The following CYSLTR1 variants were observed in gnomAD, a reference collection of about 807,000 sequenced individuals.
CYSLTR1 encodes G-protein coupled receptor HG55.
In CYSLTR1, 1 loss-of-function variant was observed where a neutral mutation model predicts 2.1. The ratio of observed to expected loss-of-function variants is 0.48; its 90% CI spans 0.17 to 2.28. The LOEUF (loss-of-function observed/expected upper bound fraction) is 2.28, where lower values mean the gene tolerates loss of function less well. Ranked by LOEUF, CYSLTR1 falls within the 30% of genes most tolerant of loss-of-function variation. The pLI, the probability that CYSLTR1 is intolerant of heterozygous loss-of-function variation, is 0.26. For missense variants in CYSLTR1, 299 were observed against 250.1 expected (o/e 1.20, Z -1.32); for synonymous variants, 110 against 89.6 (o/e 1.23, Z -1.28).
chrX:78,302,314 C>T lies in CYSLTR1; in HGVS notation c.-114-18774G>A, dbSNP rs577771409. ...TGGACTCACCCTGCATGGCAGTGGG[C>T]TCCCCTCTGGCCCAGGGAAGGTCCA... is the stretch of plus-strand genomic sequence containing the variant. On this transcript the variant is annotated intron_variant, in intron 1 of 2. Transcript: ENST00000373304. Among the ~76,000 whole-genome samples the T allele has an allele frequency of 2.7e-5, 3 of 112,228 alleles. No homozygotes were observed. The South Asian group carries it at 1.1e-3, about 41-fold the overall frequency.
intron 2 of CYSLTR1, among the ~76,000 whole-genome samples, chrX:78,277,429 C>A (rs6623254): frequency 0.015 from 1,672 of 111,867 alleles, 41 homozygotes; most frequent in African/African-American, 0.052. Context: ...CAGTTGCCTG[C>A]AGCCTCTCCC....
intron 1 of CYSLTR1, among the ~76,000 whole-genome samples, chrX:78,294,072 T>C (rs904665117): frequency 2.7e-5 from 3 of 112,391 alleles, no homozygotes; most frequent in African/African-American, 9.7e-5. Flanking sequence ...CTCTGATTTT[T>C]AGAATTTTCA....
intron 1 of CYSLTR1, among the ~76,000 whole-genome samples, chrX:78,325,323 TAGCTAGCC>T (rs1374599431): frequency 9.0e-6 from 1 of 111,560 alleles, no homozygotes; most frequent in African/African-American, 3.3e-5. Context: ...GAGTAGAAAG[TAGCTAGCC>T]CTACTGTCTC....
intron 2 of CYSLTR1, among the ~76,000 whole-genome samples, chrX:78,274,570 A>C (rs955028446): frequency 2.7e-5 from 3 of 111,803 alleles, no homozygotes; most frequent in African/African-American, 9.8e-5. Flanking sequence ...CCTTATATAA[A>C]AAGTAATTCA....
intron 1 of CYSLTR1, among the ~76,000 whole-genome samples, chrX:78,290,884 C>A (rs762552646): frequency 2.7e-5 from 3 of 111,917 alleles, no homozygotes; most frequent in African/African-American, 9.7e-5. Flanking sequence ...CCTAAATATA[C>A]AATCATGTCA....
chrX:78,306,405 C>T (rs1379846910), intron 1 of CYSLTR1, among the ~76,000 whole-genome samples: 1 of 111,244 alleles, frequency 9.0e-6, no homozygotes, highest in Non-Finnish European at 1.9e-5. Flanking sequence ...CTCAGGTGAT[C>T]TGCCTGCCTC....
intron 1 of CYSLTR1, among the ~76,000 whole-genome samples, chrX:78,308,354 TA>T (rs1923102857): frequency 8.9e-6 from 1 of 112,048 alleles, no homozygotes; most frequent in African/African-American, 3.2e-5. Context: ...TTGTCATAAA[TA>T]AAAAGAAATG....
intron 1 of CYSLTR1, among the ~76,000 whole-genome samples, chrX:78,304,450 G>A (rs1302949964): frequency 9.0e-6 from 1 of 111,512 alleles, no homozygotes; most frequent in Non-Finnish European, 1.9e-5. Context: ...TACTGACTGA[G>A]TGGTTAAGTT....
At chrX:78,306,354 G>C (rs766386287) in intron 1 of CYSLTR1, among the ~76,000 whole-genome samples, 2 of 110,454 alleles carry the variant, frequency 1.8e-5, no homozygotes, top group Non-Finnish European at 3.8e-5. Context: ...AGTAGAGACC[G>C]TGTTTCACCA....
At chrX:78,326,463 A>G (rs1014425471) in intron 1 of CYSLTR1, among the ~76,000 whole-genome samples, 2 of 112,238 alleles carry the variant, frequency 1.8e-5, no homozygotes, top group African/African-American at 6.5e-5. Flanking sequence ...TAGGTTTCAA[A>G]ATAATCAGAA....
chrX:78,324,022 T>C (rs1004157125), intron 1 of CYSLTR1, among the ~76,000 whole-genome samples: 10 of 111,691 alleles, frequency 9.0e-5, no homozygotes, highest in African/African-American at 3.3e-4. Context: ...TTTTCTTCCA[T>C]ATGAACCCAC....
chrX:78,276,709 G>T (rs1162499719), intron 2 of CYSLTR1, among the ~76,000 whole-genome samples: 2 of 110,690 alleles, frequency 1.8e-5, no homozygotes, highest in Non-Finnish European at 3.8e-5. Flanking sequence ...TCTGAGCCAA[G>T]ATGGCCAATT....
Position 78,327,429 on chromosome X carries a change from A to G in CYSLTR1, c.-239T>C, listed in dbSNP as rs1285818338. On this transcript the variant is annotated 5_prime_UTR_variant, in exon 1 of 3. Coordinates refer to ENST00000373304, the MANE Select transcript of CYSLTR1 (RefSeq NM_006639.4). Reference sequence around the variant, plus strand: ...AATCCTTGTTGGCGAGCTGCACAGTATCTTGATACCCTGTAGGGTCGTAAA... The same window carrying G: ...AATCCTTGTTGGCGAGCTGCACAGTGTCTTGATACCCTGTAGGGTCGTAAA... The G allele has an allele frequency of 8.9e-6, 1 of 111,917 alleles. No homozygotes were observed. Among genetic ancestry groups the G allele is most frequent in the African/African-American group, 3.3e-5 (1 of 30,756 alleles). The allele number at this position is 111,917 out of a possible 1,213,427, so 9.2% of individuals were successfully genotyped here.
At chrX:78,322,068 T>G (rs746491537) in intron 1 of CYSLTR1, among the ~76,000 whole-genome samples, 3 of 111,412 alleles carry the variant, frequency 2.7e-5, no homozygotes, top group African/African-American at 9.8e-5. Flanking sequence ...CGATACTTCC[T>G]CTTCTGCTGC....
At chrX:78,281,987 T>C (rs772408922) in intron 2 of CYSLTR1, among the ~76,000 whole-genome samples, 20 of 112,342 alleles carry the variant, frequency 1.8e-4, no homozygotes, top group African/African-American at 6.5e-4. Flanking sequence ...CTGGGTGCAA[T>C]TTACCTTTCC....
intron 1 of CYSLTR1, among the ~76,000 whole-genome samples, chrX:78,297,765 C>G (rs990969725): frequency 8.1e-5 from 9 of 111,164 alleles, no homozygotes; most frequent in Non-Finnish European, 5.7e-5. Flanking sequence ...ATTTGGATCT[C>G]TCTCTTTTCT....
At chrX:78,324,687 C>T (rs966051125) in intron 1 of CYSLTR1, among the ~76,000 whole-genome samples, 1 of 111,904 alleles carries the variant, frequency 8.9e-6, no homozygotes, top group African/African-American at 3.2e-5. Context: ...TTCTGCACTG[C>T]AAAGCAACAA....
chrX:78,288,796 G>C (rs1471890440), intron 1 of CYSLTR1, among the ~76,000 whole-genome samples: 1 of 110,538 alleles, frequency 9.0e-6, no homozygotes, highest in Admixed American at 9.6e-5. Context: ...GTCAAATACT[G>C]GGTCTTATTC....
intron 1 of CYSLTR1, among the ~76,000 whole-genome samples, chrX:78,301,482 G>A (rs767848955): frequency 8.9e-6 from 1 of 111,918 alleles, no homozygotes; most frequent in East Asian, 2.8e-4. Flanking sequence ...AATCTCTAGG[G>A]CAGGGGCAAA....
Sources: gnomAD v4.1 joint callset for allele counts (sites outside exome capture counted in the v4.1 genomes callset) on GRCh38, gnomAD v4.1.1 for gene constraint, MANE v1.5 for transcripts, NCBI Gene and HGNC (gene_info 2026-07-23, HGNC 2026-07-21) for gene names.